The following NRG3 variants were observed in gnomAD, a reference collection of about 807,000 sequenced individuals.
NRG3 encodes neuregulin 3.
In NRG3, 31 loss-of-function variants were observed where a neutral mutation model predicts 66.9. The ratio of observed to expected loss-of-function variants is 0.46; its 90% CI spans 0.35 to 0.63. The LOEUF is 0.63. Ranked by LOEUF, NRG3 falls within the 20% of genes least tolerant of loss-of-function variation. NRG3 has a pLI of 0.00. For missense variants in NRG3, 910 were observed against 878.9 expected, an observed-to-expected ratio of 1.04 and a Z score of -0.45; for synonymous variants, 393 against 359.4, an observed-to-expected ratio of 1.09 and a Z score of -1.06.
At chr10:82,133,872 C>T (rs2069123957) in intron 1 of NRG3, among the ~76,000 whole-genome samples, 1 of 152,170 alleles carries the variant, frequency 6.6e-6, no homozygotes, top group Non-Finnish European at 1.5e-5. Flanking sequence ...TTAATGTACA[C>T]TTCCATCAAG....
At chr10:82,069,641 C>T (rs75818076) in intron 1 of NRG3, among the ~76,000 whole-genome samples, 3,609 of 152,054 alleles carry the variant, frequency 0.024, 139 homozygotes, top group African/African-American at 0.082. Flanking sequence ...TATTTGAATT[C>T]GTATTTATTT....
chr10:82,703,308 T>C (rs116960182), intron 2 of NRG3, among the ~76,000 whole-genome samples: 123 of 152,286 alleles, frequency 8.1e-4, no homozygotes, highest in Non-Finnish European at 1.5e-3. Flanking sequence ...TATTGGCAAA[T>C]TAAAGATGAA....
At chr10:82,181,536 T>C (rs1239604364) in intron 1 of NRG3, among the ~76,000 whole-genome samples, 2 of 151,828 alleles carry the variant, frequency 1.3e-5, no homozygotes, top group Non-Finnish European at 3.0e-5. Context: ...TTCCAGAGTG[T>C]ATTGTTTAAT....
intron 2 of NRG3, among the ~76,000 whole-genome samples, chr10:82,570,331 T>A (rs958362492): frequency 6.6e-6 from 1 of 151,708 alleles, no homozygotes; most frequent in Non-Finnish European, 1.5e-5. Context: ...ATGTTCTCTC[T>A]ACAATTTTGT....
intron 1 of NRG3, among the ~76,000 whole-genome samples, chr10:82,306,128 A>C (rs1448198723): frequency 6.6e-6 from 1 of 152,212 alleles, no homozygotes; most frequent in African/African-American, 2.4e-5. Flanking sequence ...TGAACTTATT[A>C]ATATGACTTT....
chr10:82,560,315 A>C (rs1206345592), intron 2 of NRG3, among the ~76,000 whole-genome samples: 1 of 151,580 alleles, frequency 6.6e-6, no homozygotes, highest in Non-Finnish European at 1.5e-5. Context: ...ATTGTATCCA[A>C]GAATAAGATA....
chr10:82,624,261 A>T (rs770353853), intron 2 of NRG3, among the ~76,000 whole-genome samples: 2 of 152,218 alleles, frequency 1.3e-5, no homozygotes, highest in Non-Finnish European at 2.9e-5. Flanking sequence ...TAAAAACAAC[A>T]AGAAAAAATT....
In NRG3 at chr10:81,979,138, G is replaced by A. The variant is rs184413305; in HGVS notation, c.823+102975G>A. ...TGGGAGGCAGAGGTTGCAGTGAGCC[G>A]GGATTGTGCCACTGCACTCCAGCCT... is the stretch of plus-strand genomic sequence containing the variant. On this transcript the variant is annotated intron_variant, in intron 1 of 8. Coordinates refer to ENST00000372141, the MANE Select transcript of NRG3 (RefSeq NM_001010848.4). Among the ~76,000 whole-genome samples, 864 of 149,490 alleles carry A rather than the reference G, an allele frequency of 5.8e-3. 7 individuals carry two copies. Among genetic ancestry groups the A allele is most frequent in the African/African-American group, 0.02 (793 of 40,292 alleles).
chr10:82,120,742 A>G (rs2068032433), intron 1 of NRG3, among the ~76,000 whole-genome samples: 3 of 152,022 alleles, frequency 2.0e-5, no homozygotes, highest in East Asian at 3.9e-4. Flanking sequence ...TACAAATGCA[A>G]GAAGGTTTGC....
chr10:82,599,427 C>T (rs1296468951), intron 2 of NRG3, among the ~76,000 whole-genome samples: 1 of 152,076 alleles, frequency 6.6e-6, no homozygotes, highest in African/African-American at 2.4e-5. Flanking sequence ...GAATTGTCAT[C>T]TCAGAGAGTT....
rs73306190 is a variant in NRG3 at position 82,429,781 on chromosome 10, G to A, written c.953+70913G>A. On this transcript the variant is annotated intron_variant, in intron 2 of 8. Coordinates refer to ENST00000372141, the MANE Select transcript of NRG3 (RefSeq NM_001010848.4). ...ATATTAGTAAGCTTCATAGTGTCCC[G>A]TACGTCTCTGAGTTTCTGTTCATTT... 5.5e-3 allele frequency among the ~76,000 whole-genome samples: 841 copies of A among 152,010 alleles called. 8 individuals are homozygous for A. The highest frequency in any genetic ancestry group is 0.02 in the African/African-American group (814 of 41,472).
chr10:82,732,417 T>C (rs2057956633), intron 2 of NRG3, among the ~76,000 whole-genome samples: 1 of 152,206 alleles, frequency 6.6e-6, no homozygotes, highest in East Asian at 1.9e-4. Context: ...TGGTTAGGTA[T>C]ATGGCAATTT....
chr10:82,957,599 C>T (rs566768827), intron 5 of NRG3, among the ~76,000 whole-genome samples: 13 of 151,924 alleles, frequency 8.6e-5, no homozygotes, highest in East Asian at 7.7e-4. Context: ...CTGTGAAAAC[C>T]GCAGCTTTGC....
rs982591863 is a variant in NRG3, at chr10:82,921,926, C to T, written c.1055-29543C>T. 3.3e-5 allele frequency among the ~76,000 whole-genome samples: 5 copies of T among 152,176 alleles called. No individual in the cohort carries two copies. The East Asian group carries it at 7.7e-4, about 23-fold the overall frequency. On this transcript the variant is annotated intron_variant, in intron 4 of 8. Transcript: ENST00000372141. ...GATCAAATGATCTGGAAAGTAGCAA[C>T]TGTTTTTGAGATTCTTATTTAAAGA...
At chr10:82,111,633 T>A (rs2067392389) in intron 1 of NRG3, among the ~76,000 whole-genome samples, 1 of 152,166 alleles carries the variant, frequency 6.6e-6, no homozygotes, top group South Asian at 2.1e-4. Context: ...CATCCAGCTG[T>A]GAATTTACCT....
intron 3 of NRG3, among the ~76,000 whole-genome samples, chr10:82,863,997 C>T (rs1056564551): frequency 6.6e-6 from 1 of 152,104 alleles, no homozygotes; most frequent in African/African-American, 2.4e-5. Flanking sequence ...TTTTTAGAAA[C>T]ATTGTCACCA....
chr10:82,631,170 A>G (rs560811024), intron 2 of NRG3, among the ~76,000 whole-genome samples: 1 of 152,298 alleles, frequency 6.6e-6, no homozygotes, highest in East Asian at 1.9e-4. Context: ...GAAAGCTGCT[A>G]ATTAATCCTT....
At position 82,077,409 on chromosome 10, in the gene NRG3, C is replaced by T. The variant is rs902310643; in HGVS notation, c.823+201246C>T. On this transcript the variant is annotated intron_variant, in intron 1 of 8. Transcript: ENST00000372141. ...GTAATTCCTGGAAAAGTCATAAATTCCACTCAGTTTAACAAATATTAAAAT... is the reference window on the plus strand; with the variant it reads ...GTAATTCCTGGAAAAGTCATAAATTTCACTCAGTTTAACAAATATTAAAAT... Among the ~76,000 whole-genome samples the T allele has an allele frequency of 3.9e-5, 6 of 152,242 alleles. No individual in the cohort carries two copies. In the South Asian group the frequency reaches 1.2e-3, roughly 32 times the overall value.
chr10:82,422,399 A>C (rs907623358), intron 2 of NRG3, among the ~76,000 whole-genome samples: 1 of 152,104 alleles, frequency 6.6e-6, no homozygotes, highest in Non-Finnish European at 1.5e-5. Flanking sequence ...CTAATGTGCA[A>C]TGATTCTCAA....
Sources: allele counts gnomAD v4.1 joint callset (sites outside exome capture counted in the v4.1 genomes callset), GRCh38; gene constraint gnomAD v4.1.1; transcripts MANE v1.5; gene names NCBI Gene and HGNC (gene_info 2026-07-23, HGNC 2026-07-21).